The following VAV3 variants were observed in gnomAD, a reference collection of about 807,000 sequenced individuals.
The protein encoded by VAV3 is vav guanine nucleotide exchange factor 3, also known as guanine nucleotide exchange factor VAV3.
A neutral mutation model predicts 131.2 loss-of-function variants in VAV3; 94 were observed. The observed-to-expected ratio is 0.72, with a 90% CI of 0.61 to 0.85. The LOEUF (loss-of-function observed/expected upper bound fraction) is 0.85, where lower values mean the gene tolerates loss of function less well. Among genes scored for constraint, VAV3 ranks in the 40% least tolerant of loss-of-function variants. The pLI is 0.00. For synonymous variants in VAV3, 349 were observed against 342.0 expected (o/e 1.02, Z -0.22); for missense variants, 939 against 1,002.7 (o/e 0.94, Z 0.86).
At chr1:107,578,163 A>G (rs1379646751) in intron 25 of VAV3, among the ~76,000 whole-genome samples, 1 of 152,204 alleles carries the variant, frequency 6.6e-6, no homozygotes, top group East Asian at 1.9e-4. Context: ...CTTAGAATCA[A>G]TGGCCTTGGA....
chr1:107,914,125 T>C (rs1672501760), intron 1 of VAV3, among the ~76,000 whole-genome samples: 1 of 152,168 alleles, frequency 6.6e-6, no homozygotes, highest in Non-Finnish European at 1.5e-5. Flanking sequence ...TTATTGTTTA[T>C]ATACAAACAT....
chr1:107,898,871 T>A (rs972160461), intron 1 of VAV3, among the ~76,000 whole-genome samples: 4 of 152,172 alleles, frequency 2.6e-5, no homozygotes, highest in African/African-American at 9.7e-5. Context: ...TTTTAAGTAA[T>A]GGGAAGGTTC....
intron 1 of VAV3, among the ~76,000 whole-genome samples, chr1:107,954,034 T>C (rs545638942): frequency 6.6e-6 from 1 of 152,218 alleles, no homozygotes; most frequent in South Asian, 2.1e-4. Flanking sequence ...AGGAACTACT[T>C]TGCTGTTCAT....
intron 4 of VAV3, among the ~76,000 whole-genome samples, chr1:107,773,874 G>T (rs1380783954): frequency 1.3e-5 from 2 of 152,064 alleles, no homozygotes; most frequent in East Asian, 3.9e-4. Context: ...TGCATTGGAG[G>T]GGATCCTGTT....
At chr1:107,596,536 G>T (rs1390689027) in intron 24 of VAV3, among the ~76,000 whole-genome samples, 195 bp from the exon 25 acceptor site, 1 of 151,968 alleles carries the variant, frequency 6.6e-6, no homozygotes, top group Non-Finnish European at 1.5e-5. Context: ...AGCTGTCCTT[G>T]TTACTCAGGC....
chr1:107,683,390 A>G lies in VAV3; in HGVS notation c.1777+98T>C, dbSNP rs1658782558. ...TTATACACCAAATTATGAGGAACAA[A>G]GGCCAACAATATGCCTCACTTTCCA... On this transcript the variant is annotated intron_variant, in intron 19 of 26. Coordinates refer to ENST00000370056, the MANE Select transcript of VAV3 (RefSeq NM_006113.5). 5.0e-6 allele frequency: 7 copies of G among 1,402,198 alleles called. No homozygotes were observed. In the East Asian group the frequency reaches 1.6e-4, roughly 32 times the overall value. The allele number at this position is 1,402,198 out of a possible 1,614,324, so 86.9% of individuals were successfully genotyped here. A position where few individuals can be genotyped will look rare whatever the true frequency, so the allele number is the denominator to read the frequency against.
intron 4 of VAV3, among the ~76,000 whole-genome samples, chr1:107,776,138 C>T (rs886554631): frequency 6.6e-6 from 1 of 152,188 alleles, no homozygotes; most frequent in African/African-American, 2.4e-5. Flanking sequence ...CAAATGGAAA[C>T]TCAGTAAGCT....
At chr1:107,796,173 C>G (rs1238593028) in intron 2 of VAV3, among the ~76,000 whole-genome samples, 1 of 152,050 alleles carries the variant, frequency 6.6e-6, no homozygotes, top group Non-Finnish European at 1.5e-5. Flanking sequence ...ATGCAACCAG[C>G]ATGAGACTGC....
intron 2 of VAV3, among the ~76,000 whole-genome samples, chr1:107,810,674 C>T (rs1667274919): frequency 6.6e-6 from 1 of 152,006 alleles, no homozygotes; most frequent in Non-Finnish European, 1.5e-5. Context: ...AGTGTTTGAG[C>T]TGAACAATCC....
At chr1:107,611,276 T>C (rs1015569804) in intron 21 of VAV3, among the ~76,000 whole-genome samples, 1 of 152,196 alleles carries the variant, frequency 6.6e-6, no homozygotes, top group Non-Finnish European at 1.5e-5. Flanking sequence ...ATCATCTTTC[T>C]AGTCAGAACA....
chr1:107,902,177 G>C (rs896841209), intron 1 of VAV3, among the ~76,000 whole-genome samples: 11 of 152,172 alleles, frequency 7.2e-5, no homozygotes, highest in African/African-American at 2.7e-4. Flanking sequence ...TGCTAAAGAT[G>C]AATTCTAACT....
chr1:107,649,592 T>C (rs1367742356), intron 19 of VAV3, among the ~76,000 whole-genome samples: 2 of 151,922 alleles, frequency 1.3e-5, no homozygotes, highest in Non-Finnish European at 2.9e-5. Context: ...CCTCCTACCA[T>C]AAACACCCAG....
At chr1:107,627,984 G>A (rs1179165324) in intron 20 of VAV3, among the ~76,000 whole-genome samples, 2 of 149,532 alleles carry the variant, frequency 1.3e-5, no homozygotes, top group Non-Finnish European at 3.0e-5. Context: ...TTTCTGGAGT[G>A]CTCTAACCAG....
intron 2 of VAV3, among the ~76,000 whole-genome samples, chr1:107,842,600 G>T (rs1419780232): frequency 6.6e-6 from 1 of 152,128 alleles, no homozygotes; most frequent in Non-Finnish European, 1.5e-5. Flanking sequence ...CACAGCAAAG[G>T]TTTGAGGCAA....
chr1:107,942,094 C>T (rs1674020478), intron 1 of VAV3, among the ~76,000 whole-genome samples: 1 of 152,162 alleles, frequency 6.6e-6, no homozygotes, highest in Non-Finnish European at 1.5e-5. Context: ...TGCCCAATCA[C>T]AGTAATGTTA....
At chr1:107,814,951 A>G (rs17020123) in intron 2 of VAV3, among the ~76,000 whole-genome samples, 14,185 of 152,220 alleles carry the variant, frequency 0.093, 838 homozygotes, top group East Asian at 0.26. Context: ...ATTTATAAGC[A>G]TCAATAGAAC....
intron 20 of VAV3, among the ~76,000 whole-genome samples, chr1:107,637,550 G>C (rs1266923273): frequency 6.6e-6 from 1 of 152,078 alleles, no homozygotes; most frequent in Non-Finnish European, 1.5e-5. Flanking sequence ...TTGAACCTAG[G>C]AGGCAGAGGC....
chr1:107,638,276 A>G (rs992597624), intron 20 of VAV3, among the ~76,000 whole-genome samples: 13 of 152,228 alleles, frequency 8.5e-5, no homozygotes, highest in African/African-American at 2.9e-4. Context: ...CATGGTGTCT[A>G]TATTACAAAA....
chr1:107,629,585 G>T (rs1030280983), intron 20 of VAV3, among the ~76,000 whole-genome samples: 2 of 152,012 alleles, frequency 1.3e-5, no homozygotes, highest in African/African-American at 4.8e-5. Flanking sequence ...TCACTTGAAG[G>T]CAATTTTATA....
Sources: allele counts gnomAD v4.1 joint callset (sites outside exome capture counted in the v4.1 genomes callset), GRCh38; gene constraint gnomAD v4.1.1; transcripts MANE v1.5; gene names NCBI Gene and HGNC (gene_info 2026-07-23, HGNC 2026-07-21).